PCLO: variants seen among roughly 807,000 people sequenced by gnomAD.
PCLO encodes the protein protein piccolo.
PCLO carries 82 observed loss-of-function variants against 427.5 expected under a neutral mutation model. The ratio of observed to expected loss-of-function variants is 0.19; its 90% CI spans 0.16 to 0.23. The LOEUF is 0.23. Ranked by LOEUF, PCLO falls within the 10% of genes least tolerant of loss-of-function variation. The probability of loss-of-function intolerance (pLI) is 1.00; values close to 1 mark genes in which losing one functional copy is unlikely to be tolerated. For synonymous variants in PCLO, 2,357 were observed against 2,155.4 expected (o/e 1.09, Z -2.59); for missense variants, 6,239 against 6,115.9 (o/e 1.02, Z -0.67).
chr7:83,162,731 C>T lies in PCLO; in HGVS notation c.-139G>A. Reference sequence around the variant, plus strand: ...CCGAGTCCCTGGACTCTGGACCAGGCACTGCCGCCCGGAACGCCAGGCAGG... The same window carrying T: ...CCGAGTCCCTGGACTCTGGACCAGGTACTGCCGCCCGGAACGCCAGGCAGG... On this transcript the variant is annotated 5_prime_UTR_variant, in exon 1 of 25. Transcript: ENST00000333891. 1 of 1,119,696 alleles carries T rather than the reference C, an allele frequency of 8.9e-7. No homozygotes were observed. The highest frequency in any genetic ancestry group is 1.2e-6 in the Non-Finnish European group (1 of 814,800). The allele number at this position is 1,119,696 out of a possible 1,614,324, so 69.4% of individuals were successfully genotyped here.
chr7:83,023,678 C>T (rs908440399), intron 3 of PCLO, among the ~76,000 whole-genome samples: 2 of 152,196 alleles, frequency 1.3e-5, no homozygotes, highest in Admixed American at 1.3e-4. Context: ...AAAAACTGAA[C>T]ATGTCTTGTA....
chr7:83,086,412 A>AC (rs1264749007), intron 3 of PCLO, among the ~76,000 whole-genome samples: 2 of 152,112 alleles, frequency 1.3e-5, no homozygotes, highest in African/African-American at 4.8e-5. Flanking sequence ...CCTGGCTGAC[A>AC]ATTTCTTTAA....
intron 20 of PCLO, chr7:82,822,096 C>CTT (rs11394716): frequency 0.024 from 20,932 of 879,040 alleles, 1 homozygote; most frequent in East Asian, 0.041. Context: ...TATGTGTGCA[C>CTT]TTTTTTTTTT....
intron 3 of PCLO, among the ~76,000 whole-genome samples, chr7:83,115,857 T>C (rs1463092531): frequency 6.6e-6 from 1 of 151,902 alleles, no homozygotes; most frequent in African/African-American, 2.4e-5. Flanking sequence ...TGTCATATCA[T>C]CCCCCCAAAT....
At chr7:83,061,837 T>C (rs1431149108) in intron 3 of PCLO, among the ~76,000 whole-genome samples, 1 of 152,198 alleles carries the variant, frequency 6.6e-6, no homozygotes, top group Non-Finnish European at 1.5e-5. Flanking sequence ...TTGGGTTGAC[T>C]CTGGCTTTCA....
At chr7:82,792,887 G>T (rs1207242168) in intron 22 of PCLO, among the ~76,000 whole-genome samples, 2 of 151,948 alleles carry the variant, frequency 1.3e-5, no homozygotes, top group East Asian at 3.9e-4. Flanking sequence ...TACGATCTTG[G>T]TTAAACTAAC....
intron 10 of PCLO, among the ~76,000 whole-genome samples, chr7:82,849,765 G>GT (rs1792601026): frequency 6.6e-6 from 1 of 152,016 alleles, no homozygotes; most frequent in Non-Finnish European, 1.5e-5. Flanking sequence ...GTTCAATAAT[G>GT]TATCTTGTCA....
chr7:82,940,427 G>A (rs1795054833), intron 6 of PCLO, among the ~76,000 whole-genome samples: 1 of 151,982 alleles, frequency 6.6e-6, no homozygotes, highest in South Asian at 2.1e-4. Context: ...ACTTTCTAAT[G>A]GATCAGAAAT....
At chr7:83,046,639 C>T (rs1789109994) in intron 3 of PCLO, among the ~76,000 whole-genome samples, 1 of 151,918 alleles carries the variant, frequency 6.6e-6, no homozygotes, top group South Asian at 2.1e-4. Context: ...TGAATACATA[C>T]ATATCTTGTG....
intron 1 of PCLO, among the ~76,000 whole-genome samples, chr7:83,158,779 G>A (rs1182441586): frequency 6.6e-6 from 1 of 151,864 alleles, no homozygotes; most frequent in Non-Finnish European, 1.5e-5. Context: ...CAGAAAATAG[G>A]CATACAACCC....
intron 22 of PCLO, among the ~76,000 whole-genome samples, chr7:82,763,132 G>C: frequency 6.6e-6 from 1 of 152,086 alleles, no homozygotes; most frequent in East Asian, 1.9e-4. Flanking sequence ...GAAGGATTTA[G>C]ATTTTTAAAC....
chr7:83,129,989 A>G (rs1791529134), intron 3 of PCLO, among the ~76,000 whole-genome samples: 1 of 151,936 alleles, frequency 6.6e-6, no homozygotes, highest in Admixed American at 6.6e-5. Flanking sequence ...CTTAAAAATT[A>G]TTGACTTAAA....
chr7:83,037,277 C>T (rs1392940736), intron 3 of PCLO, among the ~76,000 whole-genome samples: 1 of 151,926 alleles, frequency 6.6e-6, no homozygotes, highest in African/African-American at 2.4e-5. Context: ...TCAGCAGAGA[C>T]TAAAGAAAAA....
At chr7:82,910,244 TCCTGA>T (rs1240516145) in intron 7 of PCLO, among the ~76,000 whole-genome samples, 1 of 152,022 alleles carries the variant, frequency 6.6e-6, no homozygotes, top group Non-Finnish European at 1.5e-5. Flanking sequence ...CTATCTACAT[TCCTGA>T]CTATCATCTC....
At chr7:83,151,368 G>C (rs1442948025) in intron 2 of PCLO, among the ~76,000 whole-genome samples, 1 of 152,202 alleles carries the variant, frequency 6.6e-6, no homozygotes, top group Non-Finnish European at 1.5e-5. Flanking sequence ...AAGATCATCT[G>C]TGTTGCCATA....
chr7:82,850,431 A>G (rs1792622854), intron 10 of PCLO, among the ~76,000 whole-genome samples: 1 of 152,160 alleles, frequency 6.6e-6, no homozygotes, highest in Admixed American at 6.6e-5. Context: ...AAAGACAATA[A>G]TTAGGTAATT....
intron 10 of PCLO, among the ~76,000 whole-genome samples, chr7:82,863,826 T>A (rs1209285735): frequency 1.3e-5 from 2 of 152,054 alleles, no homozygotes; most frequent in Non-Finnish European, 2.9e-5. Flanking sequence ...ATCTGATTGG[T>A]GGTTATTTCA....
At chr7:82,844,623 T>C (rs1242747053) in intron 13 of PCLO, among the ~76,000 whole-genome samples, 1 of 152,200 alleles carries the variant, frequency 6.6e-6, no homozygotes, top group African/African-American at 2.4e-5. Flanking sequence ...ACTACAGGGA[T>C]AGTTTTTCTT....
intron 2 of PCLO, among the ~76,000 whole-genome samples, chr7:83,143,448 C>T (rs746962492): frequency 5.9e-5 from 9 of 152,182 alleles, no homozygotes; most frequent in Non-Finnish European, 1.3e-4. Context: ...GAATGGACAT[C>T]TCCTCTCTGA....
Sources: gnomAD v4.1 joint callset for allele counts (sites outside exome capture counted in the v4.1 genomes callset) on GRCh38, gnomAD v4.1.1 for gene constraint, MANE v1.5 for transcripts, NCBI Gene and HGNC (gene_info 2026-07-23, HGNC 2026-07-21) for gene names.